The following PVT1 variants were observed in gnomAD, a reference collection of about 807,000 sequenced individuals.
PVT1 encodes the protein Pvt1 oncogene.
intron 2 of PVT1, among the ~76,000 whole-genome samples, chr8:127,814,979 T>C (rs1371941283): frequency 6.6e-6 from 1 of 152,190 alleles, no homozygotes; most frequent in Non-Finnish European, 1.5e-5. Flanking sequence ...TTTTTTATTT[T>C]TTTTTGAGAC....
At chr8:128,017,008 A>C (rs1817382208) in intron 4 of PVT1, among the ~76,000 whole-genome samples, 3 of 152,222 alleles carry the variant, frequency 2.0e-5, no homozygotes, top group African/African-American at 7.2e-5. Context: ...AAACACAGCA[A>C]GACCCTGTCT....
At chr8:128,000,084 C>G (rs181538471) in intron 4 of PVT1, among the ~76,000 whole-genome samples, 1 of 152,302 alleles carries the variant, frequency 6.6e-6, no homozygotes, top group Admixed American at 6.5e-5. Flanking sequence ...TCCTGTCCTC[C>G]TACTGACAGC....
At chr8:127,943,580 G>A (rs1439646056) in intron 3 of PVT1, among the ~76,000 whole-genome samples, 1 of 152,160 alleles carries the variant, frequency 6.6e-6, no homozygotes, top group Admixed American at 6.5e-5. Flanking sequence ...CTACCCACTG[G>A]ATGCCAGTAG....
intron 2 of PVT1, among the ~76,000 whole-genome samples, chr8:127,858,528 A>G (rs867971915): frequency 6.6e-6 from 1 of 151,504 alleles, no homozygotes; most frequent in African/African-American, 2.4e-5. Context: ...ACAAGTTTTA[A>G]CATGGGCACT....
intron 3 of PVT1, among the ~76,000 whole-genome samples, chr8:127,975,459 G>T (rs1816813557): frequency 6.6e-6 from 1 of 152,100 alleles, no homozygotes; most frequent in East Asian, 1.9e-4. Context: ...GCTGACATTG[G>T]CTGCTCCTCC....
At chr8:127,841,885 C>T (rs893918332) in intron 2 of PVT1, among the ~76,000 whole-genome samples, 2 of 151,912 alleles carry the variant, frequency 1.3e-5, no homozygotes, top group African/African-American at 2.4e-5. Flanking sequence ...GCCACTACCC[C>T]CAGCTAATTT....
intron 2 of PVT1, among the ~76,000 whole-genome samples, chr8:127,813,082 C>T (rs573998822): frequency 2.0e-5 from 3 of 150,408 alleles, no homozygotes; most frequent in African/African-American, 7.3e-5. Context: ...TAAGCCCTGA[C>T]TTCGTGCCGG....
At chr8:127,958,071 G>T in intron 3 of PVT1, among the ~76,000 whole-genome samples, 1 of 152,320 alleles carries the variant, frequency 6.6e-6, no homozygotes, top group Non-Finnish European at 1.5e-5. Context: ...AAGGGAACAC[G>T]GGCGTGGCAT....
intron 2 of PVT1, among the ~76,000 whole-genome samples, chr8:127,830,026 T>G (rs1014983107): frequency 3.3e-5 from 5 of 152,206 alleles, no homozygotes; most frequent in Admixed American, 6.5e-5. Context: ...CTTCTTGTAA[T>G]AATGCCAGTC....
chr8:127,838,194 G>A (rs1814930450), intron 2 of PVT1, among the ~76,000 whole-genome samples: 1 of 152,016 alleles, frequency 6.6e-6, no homozygotes, highest in Admixed American at 6.5e-5. Context: ...ACTGCACCTG[G>A]TCTCATTTAT....
intron 3 of PVT1, among the ~76,000 whole-genome samples, chr8:127,942,546 A>G (rs959045788): frequency 3.9e-5 from 6 of 152,158 alleles, no homozygotes; most frequent in Admixed American, 2.0e-4. Context: ...ATGATAACCC[A>G]TTCTACAGCT....
At chr8:127,870,304 A>T (rs1282287682) in intron 2 of PVT1, among the ~76,000 whole-genome samples, 1 of 152,182 alleles carries the variant, frequency 6.6e-6, no homozygotes, top group African/African-American at 2.4e-5. Context: ...AGCTCCAAGG[A>T]TTGCAGGAAG....
At chr8:127,924,728 G>C (rs185780473) in intron 3 of PVT1, among the ~76,000 whole-genome samples, 1,879 of 152,178 alleles carry the variant, frequency 0.012, 27 homozygotes, top group Non-Finnish European at 0.021. Context: ...AGCCAGGATG[G>C]TCTTGATCTC....
intron 2 of PVT1, among the ~76,000 whole-genome samples, chr8:127,864,610 C>T (rs573284506): frequency 6.6e-6 from 1 of 152,074 alleles, no homozygotes; most frequent in African/African-American, 2.4e-5. Flanking sequence ...TGCAGTGGCG[C>T]GATCTCGGCT....
intron 3 of PVT1, among the ~76,000 whole-genome samples, chr8:127,957,566 C>CAAAAAAAAAAAAA (rs56796489): frequency 1.1e-5 from 1 of 91,802 alleles, no homozygotes; most frequent in African/African-American, 3.9e-5. Flanking sequence ...GACTCCGTCT[C>CAAAAAAAAAAAAA]AAAAAAAAAA....
intron 5 of PVT1, among the ~76,000 whole-genome samples, chr8:128,091,613 CG>C (rs2130168561): frequency 6.6e-6 from 1 of 152,270 alleles, no homozygotes; most frequent in Non-Finnish European, 1.5e-5. Flanking sequence ...CATGAAAGAG[CG>C]GTAAGGTGAC....
chr8:127,978,422 T>G (rs2129975189), intron 3 of PVT1, among the ~76,000 whole-genome samples: 1 of 152,030 alleles, frequency 6.6e-6, no homozygotes, highest in South Asian at 2.1e-4. Context: ...GGCCTCCCAA[T>G]GCACATTCCT....
chr8:128,019,162 C>T (rs529029051), intron 4 of PVT1, among the ~76,000 whole-genome samples: 1 of 152,326 alleles, frequency 6.6e-6, no homozygotes, highest in Non-Finnish European at 1.5e-5. Context: ...GCCCAGGATG[C>T]TGCTGCTGCC....
At chr8:128,050,403 G>A (rs1253763582) in intron 4 of PVT1, among the ~76,000 whole-genome samples, 1 of 152,130 alleles carries the variant, frequency 6.6e-6, no homozygotes, top group Non-Finnish European at 1.5e-5. Flanking sequence ...ACCTCTCAGG[G>A]GGCATTAAGT....
Sources: gnomAD v4.1 joint callset for allele counts (sites outside exome capture counted in the v4.1 genomes callset) on GRCh38, gnomAD v4.1.1 for gene constraint, MANE v1.5 for transcripts, NCBI Gene and HGNC (gene_info 2026-07-23, HGNC 2026-07-21) for gene names.